LPP: variants seen among roughly 807,000 people sequenced by gnomAD.
The protein encoded by LPP is lipoma-preferred partner.
Under a neutral mutation model 60.4 loss-of-function variants are expected in LPP, and 38 were observed. The observed-to-expected ratio is 0.63, with a 90% CI of 0.49 to 0.83. LPP has a LOEUF of 0.83. Among genes scored for constraint, LPP ranks in the 40% least tolerant of loss-of-function variants. The pLI is 0.00. For missense variants in LPP, 902 were observed against 783.6 expected, an observed-to-expected ratio of 1.15 and a Z score of -1.80; for synonymous variants, 328 against 290.8, an observed-to-expected ratio of 1.13 and a Z score of -1.30.
intron 6 of LPP, among the ~76,000 whole-genome samples, chr3:188,525,112 G>A (rs890488266): frequency 6.6e-5 from 10 of 151,510 alleles, no homozygotes; most frequent in East Asian, 1.9e-4. Context: ...GATTACAGGC[G>A]CCTGCCACCA....
chr3:188,187,463 GCTT>G (rs3056801), intron 1 of LPP, among the ~76,000 whole-genome samples: 1,994 of 151,978 alleles, frequency 0.013, 29 homozygotes, highest in African/African-American at 0.045. Flanking sequence ...TAATAAATAA[GCTT>G]CTTATTATAA....
intron 6 of LPP, 100 bp downstream of exon 6, chr3:188,524,887 CCTTCCGTCCGTCCT>C (rs1820049982): frequency 9.4e-6 from 1 of 106,366 alleles, no homozygotes; most frequent in African/African-American, 1.1e-4. Context: ...CCCCTTCCTT[CCTTCCGTCCGTCCT>C]TCCTTCCTTC....
At chr3:188,537,987 C>A (rs1345807889) in intron 6 of LPP, among the ~76,000 whole-genome samples, 1 of 152,042 alleles carries the variant, frequency 6.6e-6, no homozygotes, top group East Asian at 1.9e-4. Context: ...GACGTTCAAA[C>A]AGGGAAAAAA....
rs190334285 is a variant in LPP at position 188,176,181 on chromosome 3, C to A, written c.-190+21929C>A. ...CTGGAGAGTTTACTGGGCCCCGTCT[C>A]AGAGGTTCTGATGCTGTAAATCAGG... is the stretch of plus-strand genomic sequence containing the variant. On this transcript the variant is annotated intron_variant, in intron 1 of 11. Coordinates refer to ENST00000617246, the MANE Select transcript of LPP (RefSeq NM_001375462.1). Among the ~76,000 whole-genome samples the A allele has an allele frequency of 1.8e-3, 278 of 152,230 alleles. 1 individual carries two copies. Among genetic ancestry groups the A allele is most frequent in the African/African-American group, 6.5e-3 (269 of 41,518 alleles).
intron 2 of LPP, among the ~76,000 whole-genome samples, chr3:188,294,357 CTGT>C (rs1285473504): frequency 6.6e-6 from 1 of 152,138 alleles, no homozygotes; most frequent in Non-Finnish European, 1.5e-5. Flanking sequence ...CTCAATAAAC[CTGT>C]TTTAAAAAGT....
At chr3:188,420,077 G>GT (rs201947755) in intron 4 of LPP, among the ~76,000 whole-genome samples, 3 of 151,426 alleles carry the variant, frequency 2.0e-5, no homozygotes, top group South Asian at 4.1e-4. Context: ...TCTATCCATA[G>GT]TTTTTTTTAA....
chr3:188,696,334 G>T (rs1360529474), intron 7 of LPP, among the ~76,000 whole-genome samples: 1 of 151,936 alleles, frequency 6.6e-6, no homozygotes, highest in African/African-American at 2.4e-5. Flanking sequence ...TTCTTAATTG[G>T]TGTAGGCTGG....
At chr3:188,428,974 G>A (rs1790219670) in intron 4 of LPP, among the ~76,000 whole-genome samples, 1 of 152,192 alleles carries the variant, frequency 6.6e-6, no homozygotes, top group African/African-American at 2.4e-5. Context: ...GGACCTTTCT[G>A]TTCTTCACTT....
At chr3:188,852,792 C>A (rs1762965082) in intron 9 of LPP, among the ~76,000 whole-genome samples, 1 of 152,098 alleles carries the variant, frequency 6.6e-6, no homozygotes, top group African/African-American at 2.4e-5. Flanking sequence ...ACTAAGATAG[C>A]AACTGAGGAC....
intron 9 of LPP, among the ~76,000 whole-genome samples, chr3:188,817,482 T>C (rs1019648175): frequency 3.3e-5 from 5 of 152,212 alleles, no homozygotes; most frequent in Non-Finnish European, 7.3e-5. Flanking sequence ...CACAAATGGA[T>C]ATAACAAACT....
rs71980827 is a variant in LPP, at chr3:188,714,586, G to GTT, written c.1240+6201_1240+6202dup. 7.5e-3 allele frequency among the ~76,000 whole-genome samples: 1,128 copies of GTT among 150,542 alleles called. 4 individuals carry two copies. Among genetic ancestry groups the GTT allele is most frequent in the Non-Finnish European group, 0.011 (734 of 67,528 alleles). On this transcript the variant is annotated intron_variant, in intron 8 of 11. Transcript: ENST00000617246. ...AGGGACCCTTAACTGTCTCAGCTGG[G>GTT]TTTTTTTTTAATGATTTCTTCTGGA...
chr3:188,655,007 AT>A (rs2149023897), intron 7 of LPP, among the ~76,000 whole-genome samples: 1 of 152,300 alleles, frequency 6.6e-6, no homozygotes, highest in African/African-American at 2.4e-5. Context: ...GAACAAACAT[AT>A]GTGTAATATG....
chr3:188,425,913 C>T (rs746095756), intron 4 of LPP, among the ~76,000 whole-genome samples: 5 of 151,816 alleles, frequency 3.3e-5, no homozygotes, highest in African/African-American at 4.8e-5. Flanking sequence ...CTGGATTCAT[C>T]GATTGTTTTG....
At position 188,379,573 on chromosome 3, in the gene LPP, C is replaced by T. The variant is rs148873460; in HGVS notation, c.-9-26539C>T. On this transcript the variant is annotated intron_variant, in intron 3 of 11. Coordinates refer to ENST00000617246, the MANE Select transcript of LPP (RefSeq NM_001375462.1). Reference sequence around the variant, plus strand: ...ACATAGTGGTCGTTTCTTATTTCTCCCAAATCTCTTGCATCCGGTACTAAG... The same window carrying T: ...ACATAGTGGTCGTTTCTTATTTCTCTCAAATCTCTTGCATCCGGTACTAAG... 1.8e-4 allele frequency among the ~76,000 whole-genome samples: 27 copies of T among 152,246 alleles called. 1 individual carries two copies. In the East Asian group the frequency reaches 5.2e-3, roughly 29 times the overall value.
At chr3:188,328,415 C>A (rs1377225457) in intron 2 of LPP, among the ~76,000 whole-genome samples, 1 of 152,150 alleles carries the variant, frequency 6.6e-6, no homozygotes, top group African/African-American at 2.4e-5. Flanking sequence ...ATCAAAAAAG[C>A]ATTTGAAATA....
At chr3:188,775,734 A>G (rs982406222) in intron 9 of LPP, among the ~76,000 whole-genome samples, 7 of 152,228 alleles carry the variant, frequency 4.6e-5, no homozygotes, top group Non-Finnish European at 7.3e-5. Context: ...TCATGCACAG[A>G]TCGATAAACC....
At chr3:188,277,744 A>G (rs1179671392) in intron 2 of LPP, among the ~76,000 whole-genome samples, 8 of 152,150 alleles carry the variant, frequency 5.3e-5, no homozygotes, top group African/African-American at 1.4e-4. Context: ...TTGGAGCTAC[A>G]TTTAACACTC....
chr3:188,552,108 C>T (rs1447395744), intron 6 of LPP, among the ~76,000 whole-genome samples: 1 of 152,180 alleles, frequency 6.6e-6, no homozygotes, highest in Non-Finnish European at 1.5e-5. Context: ...AGAGATTTTA[C>T]TTGATAATCT....
chr3:188,182,798 A>T lies in LPP; in HGVS notation c.-190+28546A>T, dbSNP rs796681686. On this transcript the variant is annotated intron_variant, in intron 1 of 11. Transcript: ENST00000617246. This position sits in a 1 kb window ranked among gnomAD's most constrained non-coding sequence, Gnocchi z 4.4. ...GCATATATAATATATGTACATATAC[A>T]ATATATGCACATATATAATATATGT... Among the ~76,000 whole-genome samples, 20 of 62,278 alleles carry T rather than the reference A, an allele frequency of 3.2e-4. No individual in the cohort carries two copies. The highest frequency in any genetic ancestry group is 5.3e-4 in the East Asian group (1 of 1,874). The allele number at this position is 62,278 out of a possible 152,430, so 40.9% of individuals were successfully genotyped here.
Sources: allele counts gnomAD v4.1 joint callset (sites outside exome capture counted in the v4.1 genomes callset), GRCh38; gene constraint gnomAD v4.1.1; non-coding constraint Gnocchi (gnomAD v3.1); transcripts MANE v1.5; gene names NCBI Gene and HGNC (gene_info 2026-07-23, HGNC 2026-07-21).